The following LRP1B variants were observed in gnomAD, a reference collection of about 807,000 sequenced individuals.
LRP1B encodes the protein LDL receptor related protein 1B, also known as low-density lipoprotein receptor-related protein 1B.
A neutral mutation model predicts 556.6 loss-of-function variants in LRP1B; 217 were observed. The ratio of observed to expected loss-of-function variants is 0.39; its 90% CI spans 0.35 to 0.44. The LOEUF (loss-of-function observed/expected upper bound fraction) is 0.44, where lower values mean the gene tolerates loss of function less well. LRP1B is among the 20% of genes least tolerant of loss of function. The pLI is 1.00. For missense variants in LRP1B, 5,053 were observed against 5,620.8 expected (o/e 0.90, Z 3.23); for synonymous variants, 2,047 against 1,865.8 (o/e 1.10, Z -2.50).
chr2:141,055,802 A>ATGTGTG (rs10664722), intron 9 of LRP1B, among the ~76,000 whole-genome samples: 15,803 of 145,400 alleles, frequency 0.11, 846 homozygotes, highest in Non-Finnish European at 0.12. Flanking sequence ...TTACCACAAA[A>ATGTGTG]TGTGTGTGTG....
At chr2:141,769,872 T>A (rs1694841609) in intron 2 of LRP1B, among the ~76,000 whole-genome samples, 1 of 152,034 alleles carries the variant, frequency 6.6e-6, no homozygotes, top group Non-Finnish European at 1.5e-5. Context: ...CTAGTCTCAT[T>A]CCTTTCATGG....
At chr2:141,844,045 C>G (rs989474063) in intron 1 of LRP1B, among the ~76,000 whole-genome samples, 1 of 152,122 alleles carries the variant, frequency 6.6e-6, no homozygotes, top group African/African-American at 2.4e-5. Flanking sequence ...CCTTCTCACA[C>G]TGCACTATGA....
chr2:140,649,361 T>A (rs1684595244), intron 41 of LRP1B, among the ~76,000 whole-genome samples: 1 of 152,196 alleles, frequency 6.6e-6, no homozygotes, highest in Non-Finnish European at 1.5e-5. Flanking sequence ...AGCACTATTA[T>A]GCTTTATCTG....
At chr2:140,307,111 A>T (rs1213328944) in intron 83 of LRP1B, among the ~76,000 whole-genome samples, 1 of 151,964 alleles carries the variant, frequency 6.6e-6, no homozygotes, top group African/African-American at 2.4e-5. Context: ...CACCACTAAT[A>T]TTTAAAGGAA....
chr2:140,471,261 T>C (rs78626009), intron 60 of LRP1B, among the ~76,000 whole-genome samples: 5,555 of 152,202 alleles, frequency 0.036, 153 homozygotes, highest in Non-Finnish European at 0.047. Context: ...TCAGGTTTTC[T>C]GAAATGCCTT....
chr2:141,147,290 C>A (rs1701809398), intron 7 of LRP1B, among the ~76,000 whole-genome samples: 2 of 152,118 alleles, frequency 1.3e-5, no homozygotes. Flanking sequence ...AATTCTCTCA[C>A]CCCTTTGAAA....
At chr2:141,000,416 C>T (rs956875155) in intron 15 of LRP1B, among the ~76,000 whole-genome samples, 1 of 152,070 alleles carries the variant, frequency 6.6e-6, no homozygotes, top group African/African-American at 2.4e-5. Flanking sequence ...TTTTCAGTCT[C>T]AGGTTCTTAA....
chr2:140,358,968 CA>C, intron 72 of LRP1B, 22 bp from the exon 73 acceptor site: 1 of 1,600,590 alleles, frequency 6.2e-7, no homozygotes, highest in South Asian at 1.1e-5. Context: ...GAAGAAAAAA[CA>C]AAGAAGCTCC....
At chr2:140,653,080 C>T (rs922299683) in intron 41 of LRP1B, among the ~76,000 whole-genome samples, 3 of 151,948 alleles carry the variant, frequency 2.0e-5, no homozygotes, top group Admixed American at 1.3e-4. Flanking sequence ...ATCATCAAGA[C>T]AATAGAAAGG....
At chr2:140,877,631 T>C (rs1482928626) in intron 25 of LRP1B, among the ~76,000 whole-genome samples, 1 of 152,188 alleles carries the variant, frequency 6.6e-6, no homozygotes, top group Non-Finnish European at 1.5e-5. Context: ...TCAATGCATT[T>C]GCCTTCTTTA....
chr2:140,922,971 T>C lies in LRP1B; in HGVS notation c.3313A>G (p.Ser1105Gly), dbSNP rs1694784254. Residue 1105 changes from serine (S) to glycine (G), a missense_variant, in exon 21 of 91, where the codon AGT (serine) becomes GGT (glycine). Physicochemically the swap from Ser to Gly is moderately conservative, Grantham distance 56. Around this residue, in one of 5 missense-constraint regions of LRP1B, gnomAD observed 3,619 missense variants for 3,931.9 expected, o/e 0.92. Transcript: ENST00000389484. ...AAAAGCAATGTTCACTTACCTGTAC[T>C]CCAACAGGAAAACTTGGTTTTGTGG... Reference protein sequence around the residue: ...CDHKTKFSCWSTGRCINKAWV... With the variant: ...CDHKTKFSCWGTGRCINKAWV... 6.2e-7 allele frequency: 1 copy of C among 1,612,062 alleles called. No homozygotes were observed. Among genetic ancestry groups the C allele is most frequent in the South Asian group, 1.1e-5 (1 of 90,884 alleles).
rs1574199942 is a variant in LRP1B at position 140,655,661 on chromosome 2, C to T, written c.6799+44589G>A. On this transcript the variant is annotated intron_variant, in intron 41 of 90. Coordinates refer to ENST00000389484, the MANE Select transcript of LRP1B (RefSeq NM_018557.3). ...CATATTTCTTAATTAAAAGAATAGG[C>T]GCCAGGCGCGGTGGCTCACGCCTGC... 2.0e-5 allele frequency among the ~76,000 whole-genome samples: 3 copies of T among 152,080 alleles called. No individual in the cohort carries two copies. In the East Asian group the frequency reaches 5.8e-4, roughly 29 times the overall value.
rs1695739831 is a variant in LRP1B, at chr2:141,794,637, A to T, written c.205+15642T>A. Among the ~76,000 whole-genome samples, 4 of 152,162 alleles carry T rather than the reference A, an allele frequency of 2.6e-5. No individual in the cohort carries two copies. The South Asian group carries it at 8.3e-4, about 32-fold the overall frequency. ...ATATTTTATGATACATAAGATATTT[A>T]GGGTATGGTACTAATGACAGCCTTC... On this transcript the variant is annotated intron_variant, in intron 2 of 90. Coordinates refer to ENST00000389484, the MANE Select transcript of LRP1B (RefSeq NM_018557.3).
intron 2 of LRP1B, among the ~76,000 whole-genome samples, chr2:141,726,788 G>A (rs1349333671): frequency 6.6e-6 from 1 of 152,098 alleles, no homozygotes; most frequent in Non-Finnish European, 1.5e-5. Context: ...AGCATGTGAT[G>A]GGATAACTTA....
intron 3 of LRP1B, among the ~76,000 whole-genome samples, chr2:141,358,643 C>A (rs1160685211): frequency 6.6e-6 from 1 of 152,188 alleles, no homozygotes; most frequent in Non-Finnish European, 1.5e-5. Context: ...ATTGTTAGTT[C>A]TACGAAATTG....
intron 1 of LRP1B, among the ~76,000 whole-genome samples, chr2:141,878,964 C>T (rs189598970): frequency 4.1e-4 from 62 of 151,914 alleles, no homozygotes; most frequent in African/African-American, 1.4e-3. Context: ...CATTTATAAA[C>T]CTTACTATTT....
At chr2:141,840,508 C>T (rs879542761) in intron 1 of LRP1B, among the ~76,000 whole-genome samples, 3 of 151,944 alleles carry the variant, frequency 2.0e-5, no homozygotes. Flanking sequence ...CCGCCCGCCT[C>T]GGCCTCCCAA....
intron 3 of LRP1B, among the ~76,000 whole-genome samples, chr2:141,268,141 C>A (rs973716014): frequency 2.0e-5 from 3 of 152,058 alleles, no homozygotes; most frequent in African/African-American, 7.2e-5. Flanking sequence ...CAACACCACG[C>A]CTGGCATACA....
At chr2:140,468,348 A>G (rs985629527) in intron 60 of LRP1B, among the ~76,000 whole-genome samples, 9 of 152,202 alleles carry the variant, frequency 5.9e-5, no homozygotes, top group African/African-American at 2.2e-4. Flanking sequence ...ATTTCAAAAA[A>G]TGCCACAGAA....
Sources: allele counts gnomAD v4.1 joint callset (sites outside exome capture counted in the v4.1 genomes callset), GRCh38; gene constraint gnomAD v4.1.1; regional missense constraint gnomAD v4.1.1; transcripts MANE v1.5; gene names NCBI Gene and HGNC (gene_info 2026-07-23, HGNC 2026-07-21).